Variants in GALNT13 observed in about 807,000 individuals in gnomAD.
The protein encoded by GALNT13 is polypeptide N-acetylgalactosaminyltransferase 13.
Under a neutral mutation model 64.2 loss-of-function variants are expected in GALNT13, and 28 were observed. The observed-to-expected ratio is 0.44, with a 90% confidence interval of 0.32 to 0.60. The LOEUF (loss-of-function observed/expected upper bound fraction) is 0.60, where lower values mean the gene tolerates loss of function less well. GALNT13 is among the 20% of genes least tolerant of loss of function. The pLI, the probability that GALNT13 is intolerant of heterozygous loss-of-function variation, is 0.05. For synonymous variants in GALNT13, 214 were observed against 224.6 expected (o/e 0.95, Z 0.42); for missense variants, 577 against 669.8 (o/e 0.86, Z 1.53).
chr2:153,398,624 G>A, the GALNT13 span, among the ~76,000 whole-genome samples: 719 of 152,322 alleles, frequency 4.7e-3, 5 homozygotes, highest in African/African-American at 0.016. Flanking sequence ...TCTAACTGGT[G>A]TGAGATGGTG....
intron 4 of GALNT13, among the ~76,000 whole-genome samples, chr2:154,222,119 A>G (rs1270537973): frequency 6.6e-6 from 1 of 151,986 alleles, no homozygotes; most frequent in East Asian, 1.9e-4. Flanking sequence ...CCATTGTTCC[A>G]TTTCTGCCTG....
At chr2:154,014,796 C>T (rs1574332301) in intron 3 of GALNT13, among the ~76,000 whole-genome samples, 1 of 151,550 alleles carries the variant, frequency 6.6e-6, no homozygotes, top group Non-Finnish European at 1.5e-5. Context: ...CCACTCCCAG[C>T]TAATTTTTGT....
the GALNT13 span, among the ~76,000 whole-genome samples, chr2:153,324,153 T>C: frequency 6.6e-6 from 1 of 152,208 alleles, no homozygotes; most frequent in Non-Finnish European, 1.5e-5. Context: ...TTTGCTTATG[T>C]CCTCTCTAAC....
At chr2:153,595,444 T>G in the GALNT13 span, among the ~76,000 whole-genome samples, 23,710 of 151,894 alleles carry the variant, frequency 0.16, 1,973 homozygotes, top group African/African-American at 0.2. Flanking sequence ...AAATTTTATG[T>G]TATATAAAAA....
chr2:153,628,506 T>A, the GALNT13 span, among the ~76,000 whole-genome samples: 4 of 151,308 alleles, frequency 2.6e-5, no homozygotes, highest in African/African-American at 9.7e-5. Flanking sequence ...TCTTATTATT[T>A]TGAAATACGT....
chr2:154,351,750 G>T (rs528009497), intron 9 of GALNT13, among the ~76,000 whole-genome samples: 1 of 128,708 alleles, frequency 7.8e-6, no homozygotes, highest in Non-Finnish European at 1.6e-5. Flanking sequence ...AGATCACTCT[G>T]TCACTTGTAT....
chr2:153,953,715 A>C (rs763954487), intron 3 of GALNT13, among the ~76,000 whole-genome samples: 83 of 152,080 alleles, frequency 5.5e-4, no homozygotes, highest in Non-Finnish European at 9.7e-4. Context: ...AGGATGTGTA[A>C]ATCTCAGCCA....
intron 10 of GALNT13, among the ~76,000 whole-genome samples, chr2:154,406,421 A>C (rs1046153108): frequency 1.3e-5 from 2 of 152,000 alleles, no homozygotes; most frequent in African/African-American, 4.8e-5. Flanking sequence ...GATTCCTTAC[A>C]TTACTTAGTC....
chr2:153,896,081 A>ATATTTTTTTTTTTTTTTTTTTTT (rs1574065409), intron 1 of GALNT13, among the ~76,000 whole-genome samples: 2 of 136,876 alleles, frequency 1.5e-5, no homozygotes, highest in African/African-American at 5.6e-5. Flanking sequence ...ATGATTTTAT[A>ATATTTTTTTTTTTTTTTTTTTTT]TTTTTATGTT....
chr2:153,383,586 A>T, the GALNT13 span, among the ~76,000 whole-genome samples: 4 of 152,130 alleles, frequency 2.6e-5, no homozygotes, highest in African/African-American at 9.6e-5. Flanking sequence ...AATAGGGTAT[A>T]TTTTCAGGCT....
the GALNT13 span, among the ~76,000 whole-genome samples, chr2:153,396,737 C>G: frequency 6.6e-6 from 1 of 152,022 alleles, no homozygotes; most frequent in East Asian, 1.9e-4. Flanking sequence ...GCAACTCTTC[C>G]TCTGGGTCAA....
chr2:153,155,000 T>C, the GALNT13 span, among the ~76,000 whole-genome samples: 1 of 152,200 alleles, frequency 6.6e-6, no homozygotes, highest in South Asian at 2.1e-4. Flanking sequence ...GGTTTTTGTC[T>C]TGAGTTCTGT....
the GALNT13 span, among the ~76,000 whole-genome samples, chr2:153,602,436 T>G: frequency 6.6e-6 from 1 of 151,434 alleles, no homozygotes. Context: ...GGGGGGCAGG[T>G]GGTTAATTTT....
intron 4 of GALNT13, among the ~76,000 whole-genome samples, chr2:154,201,424 G>A (rs2105779997): frequency 6.6e-6 from 1 of 152,202 alleles, no homozygotes; most frequent in East Asian, 1.9e-4. Context: ...TGTGAAGCAT[G>A]GCATTGAATA....
At chr2:154,141,141 G>A (rs1231268980) in intron 4 of GALNT13, among the ~76,000 whole-genome samples, 3 of 152,162 alleles carry the variant, frequency 2.0e-5, no homozygotes, top group Admixed American at 6.5e-5. Flanking sequence ...TAACATGAAT[G>A]GAGCTTGCAG....
At chr2:153,803,230 A>G in the GALNT13 span, among the ~76,000 whole-genome samples, 9 of 152,126 alleles carry the variant, frequency 5.9e-5, no homozygotes, top group Non-Finnish European at 1.0e-4. Context: ...CAAATAGTTT[A>G]TTTCAGTATA....
At chr2:153,600,335 C>A in the GALNT13 span, among the ~76,000 whole-genome samples, 1 of 151,834 alleles carries the variant, frequency 6.6e-6, no homozygotes, top group Non-Finnish European at 1.5e-5. Flanking sequence ...CCAACTCTAC[C>A]TTTTGCACCT....
chr2:154,238,413 A>G (rs1239732487), intron 4 of GALNT13, among the ~76,000 whole-genome samples: 1 of 152,054 alleles, frequency 6.6e-6, no homozygotes, highest in Non-Finnish European at 1.5e-5. Context: ...TAAGTATTAA[A>G]TGGACTCTAG....
At chr2:153,931,934 T>A (rs1188199648) in intron 2 of GALNT13, among the ~76,000 whole-genome samples, 1 of 152,192 alleles carries the variant, frequency 6.6e-6, no homozygotes, top group Non-Finnish European at 1.5e-5. Context: ...TCAGTAAGAT[T>A]GGCACCAGTT....
Sources: gnomAD v4.1 joint callset for allele counts (sites outside exome capture counted in the v4.1 genomes callset) on GRCh38, gnomAD v4.1.1 for gene constraint, MANE v1.5 for transcripts, NCBI Gene and HGNC (gene_info 2026-07-23, HGNC 2026-07-21) for gene names.